Variants in ROBO2 observed in about 807,000 individuals in gnomAD.
ROBO2 encodes roundabout homolog 2.
In ROBO2, 53 loss-of-function variants were observed where a neutral mutation model predicts 160.8. The observed-to-expected ratio is 0.33, with a 90% CI of 0.26 to 0.41. ROBO2 has a LOEUF of 0.41. Among genes scored for constraint, ROBO2 ranks in the 10% least tolerant of loss-of-function variants. ROBO2 has a pLI of 1.00. For synonymous variants in ROBO2, 664 were observed against 611.7 expected, an observed-to-expected ratio of 1.09 and a Z score of -1.26; for missense variants, 1,577 against 1,722.4, an observed-to-expected ratio of 0.92 and a Z score of 1.49.
intron 2 of ROBO2, among the ~76,000 whole-genome samples, chr3:76,646,546 T>C (rs72888306): frequency 0.063 from 9,565 of 152,220 alleles, 974 homozygotes; most frequent in African/African-American, 0.21. Flanking sequence ...ATAAATATTA[T>C]TAACCTCTTG....
chr3:77,242,018 G>A (rs940731438), intron 2 of ROBO2, among the ~76,000 whole-genome samples: 2 of 152,122 alleles, frequency 1.3e-5, no homozygotes, highest in Admixed American at 1.3e-4. Context: ...TAATATGCGG[G>A]AAATAAGCTC....
At chr3:76,888,378 A>G (rs913107484) in intron 2 of ROBO2, among the ~76,000 whole-genome samples, 1 of 151,870 alleles carries the variant, frequency 6.6e-6, no homozygotes, top group African/African-American at 2.4e-5. Context: ...AAACAGTCAA[A>G]CAAACAAAAG....
intron 2 of ROBO2, among the ~76,000 whole-genome samples, chr3:76,957,717 G>C (rs1185229573): frequency 1.3e-5 from 2 of 151,854 alleles, no homozygotes; most frequent in Admixed American, 6.6e-5. Context: ...TGTAATCCCA[G>C]CTACTCAGGA....
At chr3:76,498,538 T>G (rs754791957) in intron 2 of ROBO2, among the ~76,000 whole-genome samples, 9 of 151,876 alleles carry the variant, frequency 5.9e-5, no homozygotes, top group Non-Finnish European at 5.9e-5. Flanking sequence ...AAATATATAT[T>G]TCTAAATATT....
At chr3:76,815,581 T>C (rs2065594738) in intron 2 of ROBO2, among the ~76,000 whole-genome samples, 1 of 152,106 alleles carries the variant, frequency 6.6e-6, no homozygotes, top group South Asian at 2.1e-4. Flanking sequence ...CATGTTCTTC[T>C]TTTTATCTTT....
intron 2 of ROBO2, among the ~76,000 whole-genome samples, chr3:77,127,871 T>C (rs1276651070): frequency 6.6e-6 from 1 of 152,144 alleles, no homozygotes; most frequent in Non-Finnish European, 1.5e-5. Flanking sequence ...AGGACTGAAA[T>C]GGGAATGAAG....
intron 2 of ROBO2, among the ~76,000 whole-genome samples, chr3:76,205,405 G>C (rs2107282197): frequency 6.6e-6 from 1 of 152,154 alleles, no homozygotes; most frequent in South Asian, 2.1e-4. Context: ...GAGCAACCTG[G>C]CTGCACTAGA....
intron 2 of ROBO2, among the ~76,000 whole-genome samples, chr3:76,062,404 A>G (rs956570981): frequency 6.6e-6 from 1 of 152,196 alleles, no homozygotes; most frequent in African/African-American, 2.4e-5. Context: ...ATCCCCAAAC[A>G]ATTACAGGTG....
intron 2 of ROBO2, among the ~76,000 whole-genome samples, chr3:76,271,981 T>C (rs1051253009): frequency 2.6e-5 from 4 of 152,194 alleles, no homozygotes; most frequent in South Asian, 2.1e-4. Flanking sequence ...TTTTCTGATA[T>C]GTATCATTTA....
intron 2 of ROBO2, among the ~76,000 whole-genome samples, chr3:76,444,096 G>T (rs1051002097): frequency 6.6e-6 from 1 of 152,000 alleles, no homozygotes; most frequent in African/African-American, 2.4e-5. Flanking sequence ...CTCCTGAGTA[G>T]CTGGGATTAT....
intron 2 of ROBO2, among the ~76,000 whole-genome samples, chr3:76,055,825 C>T (rs2107841094): frequency 6.6e-6 from 1 of 152,194 alleles, no homozygotes; most frequent in African/African-American, 2.4e-5. Context: ...GTGGCGCGAT[C>T]TCGGCTCACC....
intron 2 of ROBO2, among the ~76,000 whole-genome samples, chr3:76,952,392 C>T (rs1401023031): frequency 6.6e-6 from 1 of 152,088 alleles, no homozygotes; most frequent in African/African-American, 2.4e-5. Flanking sequence ...AAGTGATTCT[C>T]CTGCCTCAGC....
At chr3:77,158,410 G>A (rs1271727619) in intron 2 of ROBO2, among the ~76,000 whole-genome samples, 1 of 151,990 alleles carries the variant, frequency 6.6e-6, no homozygotes, top group African/African-American at 2.4e-5. Flanking sequence ...AAAAACAGAC[G>A]GCAAACCATA....
At chr3:76,862,526 T>G (rs763423527) in intron 2 of ROBO2, among the ~76,000 whole-genome samples, 4 of 152,152 alleles carry the variant, frequency 2.6e-5, no homozygotes, top group Non-Finnish European at 4.4e-5. Flanking sequence ...GAAATAGGAC[T>G]GGACAAAGGG....
At chr3:76,142,265 C>CA (rs1207494113) in intron 2 of ROBO2, among the ~76,000 whole-genome samples, 1 of 151,684 alleles carries the variant, frequency 6.6e-6, no homozygotes. Context: ...GGAGGTTCCT[C>CA]AAAAAAACTG....
chr3:77,206,129 G>C (rs1027959414), intron 2 of ROBO2, among the ~76,000 whole-genome samples: 1 of 151,452 alleles, frequency 6.6e-6, no homozygotes, highest in African/African-American at 2.4e-5. Context: ...GTCTTAACAT[G>C]GTGCTCTTCC....
chr3:76,424,182 C>CATA (rs1179476590), intron 2 of ROBO2, among the ~76,000 whole-genome samples: 1 of 152,084 alleles, frequency 6.6e-6, no homozygotes, highest in African/African-American at 2.4e-5. Context: ...TTTCATATTA[C>CATA]CTTAACAATA....
chr3:77,227,273 CAT>C (rs1164803645), intron 2 of ROBO2, among the ~76,000 whole-genome samples: 2 of 152,078 alleles, frequency 1.3e-5, no homozygotes, highest in African/African-American at 4.8e-5. Flanking sequence ...GCAGTTAAAA[CAT>C]ATGTCTTTAA....
chr3:76,248,843 C>T (rs17140570), intron 2 of ROBO2, among the ~76,000 whole-genome samples: 2,184 of 152,140 alleles, frequency 0.014, 45 homozygotes, highest in African/African-American at 0.05. Context: ...CATGAAAAGA[C>T]CTATGCTGTT....
Sources: gnomAD v4.1 joint callset for allele counts (sites outside exome capture counted in the v4.1 genomes callset) on GRCh38, gnomAD v4.1.1 for gene constraint, MANE v1.5 for transcripts, NCBI Gene and HGNC (gene_info 2026-07-23, HGNC 2026-07-21) for gene names.